MTMR10: variants seen among roughly 807,000 people sequenced by gnomAD.
The protein encoded by MTMR10 is myotubularin related protein 10, also known as myotubularin-related protein 10.
In MTMR10, 56 loss-of-function variants were observed where a neutral mutation model predicts 88.1. The observed-to-expected ratio is 0.64, with a 90% CI of 0.51 to 0.79. MTMR10 has a LOEUF of 0.79. MTMR10 is among the 30% of genes least tolerant of loss of function. MTMR10 has a pLI of 0.00. For missense variants in MTMR10, 883 were observed against 924.7 expected, an observed-to-expected ratio of 0.95 and a Z score of 0.58; for synonymous variants, 380 against 340.9, an observed-to-expected ratio of 1.11 and a Z score of -1.26.
chr15:30,960,849 G>C, intron 7 of MTMR10, 32 bp downstream of exon 7: 1 of 1,512,412 alleles, frequency 6.6e-7, no homozygotes, highest in Non-Finnish European at 8.9e-7. Context: ...GTGACTTCCA[G>C]CCATATATAA....
chr15:30,941,626 G>C lies in MTMR10; in HGVS notation c.2178C>G (p.Thr726=), dbSNP rs373665066. The C allele has an allele frequency of 6.2e-7, 1 of 1,605,986 alleles. No homozygotes were observed. The highest frequency in any genetic ancestry group is 2.2e-5 in the East Asian group (1 of 44,528). ...MYFNASGPHH[T]DTSGTPEFLS... ...GAAACTCCGGTGTCCCCGAGGTGTC[G>C]GTGTGGTGAGGGCCGCTGGCGTTGA... Residue 726 remains threonine (T), a synonymous_variant, in exon 16 of 16, where the codon ACC becomes ACG. Transcript: ENST00000435680.
intron 12 of MTMR10, chr15:30,949,173 A>G (rs543831235): frequency 1.8e-4 from 28 of 152,382 alleles, no homozygotes; most frequent in African/African-American, 6.7e-4. Flanking sequence ...TTCTACCTTC[A>G]TTCCTGATTA....
Position 30,939,368 on chromosome 15 carries a change from T to C in MTMR10, c.*2102A>G. On this transcript the variant is annotated 3_prime_UTR_variant, in exon 16 of 16. Transcript: ENST00000435680. ...AGCAGGGGTGCTGAGCTCTCTCTAG[T>C]GCGCCCTGTGCAGCCACACCACTGC... The C allele has an allele frequency of 1.1e-5, 11 of 985,470 alleles. No homozygotes were observed. Among genetic ancestry groups the C allele is most frequent in the Non-Finnish European group, 1.3e-5 (11 of 829,942 alleles). 61.0% of individuals were successfully genotyped at this position (985,470 alleles called of 1,614,324 possible).
the MTMR10 span, chr15:30,930,729 G>A: frequency 6.3e-7 from 1 of 1,590,086 alleles, no homozygotes; most frequent in Non-Finnish European, 8.6e-7. Context: ...CTGAATCAGA[G>A]GCCACAAGTA....
At chr15:30,936,754 C>T (rs142638149), downstream of MTMR10, among the ~76,000 whole-genome samples, 152 of 152,316 alleles carry the variant, frequency 1.0e-3, 1 homozygote, top group African/African-American at 3.5e-3. Context: ...CATTAGCCTA[C>T]AGTTGGGCAG....
Position 30,940,235 on chromosome 15 carries a change from G to A in MTMR10, c.*1235C>T, listed in dbSNP as rs535645831. The A allele has an allele frequency of 3.0e-6, 3 of 985,174 alleles. No homozygotes were observed. The highest frequency in any genetic ancestry group is 2.3e-4 in the East Asian group (2 of 8,834). 61.0% of individuals were successfully genotyped at this position (985,174 alleles called of 1,614,324 possible). The stretch of plus-strand genomic sequence containing the variant: ...GCTGTAAGAAGCTTCAGCTTTGACC[G>A]CTACAGTGGTAGGTAGGCTCTTGTC... On this transcript the variant is annotated 3_prime_UTR_variant, in exon 16 of 16. Coordinates refer to ENST00000435680, the MANE Select transcript of MTMR10 (RefSeq NM_017762.3).
Position 30,940,574 on chromosome 15 carries a change from CTTGT to C in MTMR10, c.*892_*895del. The C allele has an allele frequency of 6.1e-6, 6 of 985,432 alleles. No individual in the cohort carries two copies. Among genetic ancestry groups the C allele is most frequent in the African/African-American group, 1.7e-5 (1 of 57,276 alleles). The allele number at this position is 985,432 out of a possible 1,614,324, so 61.0% of individuals were successfully genotyped here. A position where few individuals can be genotyped will look rare whatever the true frequency, so the allele number is the denominator to read the frequency against. ...AAGCCCAGCACGCCTCCCAGCAAGC[CTTGT>C]TTGTTTTTGAGGGCGAGTTTTGGCA... On this transcript the variant is annotated 3_prime_UTR_variant, in exon 16 of 16. Transcript: ENST00000435680.
chr15:30,966,385 A>C (rs2063472397), intron 6 of MTMR10, among the ~76,000 whole-genome samples: 3 of 152,218 alleles, frequency 2.0e-5, no homozygotes, highest in Middle Eastern at 3.2e-3. Context: ...TGTATAATGA[A>C]GTTTACTGTC....
chr15:30,990,069 C>A (rs1231178919), intron 2 of MTMR10, among the ~76,000 whole-genome samples: 2 of 152,120 alleles, frequency 1.3e-5, no homozygotes, highest in Non-Finnish European at 2.9e-5. Flanking sequence ...TCTAAGGTCA[C>A]CTATAGCAAA....
intron 2 of MTMR10, 58 bp downstream of exon 2, chr15:30,990,719 T>A (rs1428398838): frequency 6.9e-7 from 1 of 1,447,156 alleles, no homozygotes; most frequent in Non-Finnish European, 9.5e-7. Context: ...GTCGGCAGAA[T>A]AATCTTAAAC....
chr15:30,942,099 C>T, intron 15 of MTMR10, 27 bp from the exon 16 acceptor site: 1 of 1,579,262 alleles, frequency 6.3e-7, no homozygotes, highest in East Asian at 2.3e-5. Context: ...TTATTATGTT[C>T]CGGGGATTCC....
At chr15:30,953,412 A>G in intron 11 of MTMR10, 150 bp downstream of exon 11, 1 of 626,242 alleles carries the variant, frequency 1.6e-6, no homozygotes, top group Non-Finnish European at 2.8e-6. Context: ...CCTGGTTTGG[A>G]TGCTGTACTC....
chr15:30,967,629 G>T (rs73366569), intron 6 of MTMR10, among the ~76,000 whole-genome samples: 1,818 of 152,220 alleles, frequency 0.012, 31 homozygotes, highest in African/African-American at 0.041. Flanking sequence ...CAATTAAAAA[G>T]GGTGGGTTAT....
intron 2 of MTMR10, among the ~76,000 whole-genome samples, chr15:30,982,322 A>G (rs1595947876): frequency 6.6e-6 from 1 of 152,218 alleles, no homozygotes. Context: ...TTCTCAGTTG[A>G]GCTAAATTCA....
chr15:30,924,244 C>T, the MTMR10 span, among the ~76,000 whole-genome samples: 1 of 152,204 alleles, frequency 6.6e-6, no homozygotes, highest in African/African-American at 2.4e-5. Flanking sequence ...TCTAGCCACT[C>T]ATTGGTTGAT....
intron 2 of MTMR10, among the ~76,000 whole-genome samples, chr15:30,979,126 T>C (rs891259955): frequency 6.6e-6 from 1 of 152,268 alleles, no homozygotes; most frequent in South Asian, 2.1e-4. Context: ...CCTGTAACAA[T>C]GACTTCTTTA....
chr15:30,989,845 A>C (rs979895780), intron 2 of MTMR10, among the ~76,000 whole-genome samples: 1 of 152,026 alleles, frequency 6.6e-6, no homozygotes, highest in Non-Finnish European at 1.5e-5. Flanking sequence ...TCGGCCTCCC[A>C]AAGTGCTGGG....
At chr15:30,948,565 A>T in intron 12 of MTMR10, 94 bp from the exon 13 acceptor site, 1 of 1,280,884 alleles carries the variant, frequency 7.8e-7, no homozygotes. Flanking sequence ...AGTATTCTGC[A>T]CACCTAGGCT....
chr15:30,991,135 G>A, intron 1 of MTMR10: 4 of 501,444 alleles, frequency 8.0e-6, no homozygotes, highest in Middle Eastern at 4.9e-4. Context: ...GTCATACGAG[G>A]GAGGGTCGAT....
Sources: allele counts gnomAD v4.1 joint callset (sites outside exome capture counted in the v4.1 genomes callset), GRCh38; gene constraint gnomAD v4.1.1; transcripts MANE v1.5; gene names NCBI Gene and HGNC (gene_info 2026-07-23, HGNC 2026-07-21).